Variants in HYAL1 observed in about 807,000 individuals in gnomAD.
HYAL1 encodes hyaluronidase-1.
Under a neutral mutation model 28.8 loss-of-function variants are expected in HYAL1, and 21 were observed. The ratio of observed to expected loss-of-function variants is 0.73; its 90% CI spans 0.52 to 1.05. The LOEUF (loss-of-function observed/expected upper bound fraction) is 1.05. Ranked by LOEUF, HYAL1 falls within the 50% of genes least tolerant of loss-of-function variation. The probability of loss-of-function intolerance (pLI) is 0.00; values close to 1 mark genes in which losing one functional copy is unlikely to be tolerated. For missense variants in HYAL1, 491 were observed against 579.2 expected (o/e 0.85, Z 1.56); for synonymous variants, 200 against 230.1 (o/e 0.87, Z 1.18).
chr3:50,306,552 G>A (rs1001311091), upstream of HYAL1, among the ~76,000 whole-genome samples: 1 of 151,086 alleles, frequency 6.6e-6, no homozygotes, highest in Non-Finnish European at 1.5e-5. Context: ...TGTTACTTTA[G>A]CAGCATTTTG....
At chr3:50,303,001 T>G in intron 1 of HYAL1, 21 bp from the exon 2 acceptor site, 1 of 1,517,142 alleles carries the variant, frequency 6.6e-7, no homozygotes, top group Non-Finnish European at 8.8e-7. Context: ...GAGGCAGAGC[T>G]GAGAACAGGT....
chr3:50,306,219 CTTTT>C (rs1173166946), upstream of HYAL1, among the ~76,000 whole-genome samples: 67 of 84,438 alleles, frequency 7.9e-4, 2 homozygotes, highest in African/African-American at 3.0e-3. Context: ...CTGTACAACT[CTTTT>C]TTTTTTTTTT....
intron 1 of HYAL1, among the ~76,000 whole-genome samples, chr3:50,311,256 G>T (rs1341505001): frequency 1.1e-3 from 1 of 872 alleles, no homozygotes; most frequent in Non-Finnish European, 2.7e-3. Flanking sequence ...CCTCCCGGCC[G>T]GGGCGGGGGG....
chr3:50,303,427 C>T (rs1406845408), intron 1 of HYAL1, 39 bp downstream of exon 1: 1 of 156,210 alleles, frequency 6.4e-6, no homozygotes, highest in Non-Finnish European at 1.4e-5. Flanking sequence ...ACCCAGCCCT[C>T]CTGTACACCC....
At chr3:50,311,770 T>A in intron 1 of HYAL1, among the ~76,000 whole-genome samples, 1 of 131,760 alleles carries the variant, frequency 7.6e-6, no homozygotes, top group African/African-American at 3.0e-5. Flanking sequence ...GCAGAGGGGC[T>A]CCTCACTTCC....
At chr3:50,304,274 CAAAAAA>C (rs1156334129), upstream of HYAL1, among the ~76,000 whole-genome samples, 17 of 2,892 alleles carry the variant, frequency 5.9e-3, no homozygotes, top group African/African-American at 0.01. Flanking sequence ...GACTCCATCT[CAAAAAA>C]AAAAAAAAAA....
Position 50,311,446 on chromosome 3 carries a change from A to ACC in HYAL1, c.-310+816_-310+817dup, listed in dbSNP as rs587619272. On this transcript the variant is annotated intron_variant, in intron 1 of 5. Coordinates refer to the HYAL1 transcript ENST00000320295. Reference sequence around the variant, plus strand: ...GGGCGGCTGGCCAGGCGGGGGGCTGACCCCCCCCCACCTCCCTCCCGGACG... The same window carrying ACC: ...GGGCGGCTGGCCAGGCGGGGGGCTGACCCCCCCCCCCACCTCCCTCCCGGACG... 4.1e-3 allele frequency among the ~76,000 whole-genome samples: 173 copies of ACC among 42,634 alleles called. 50 individuals carry two copies. In the East Asian group the frequency reaches 0.16, roughly 38 times the overall value. The allele number at this position is 42,634 out of a possible 152,430, so 28.0% of individuals were successfully genotyped here. A position where few individuals can be genotyped will look rare whatever the true frequency, so the allele number is the denominator to read the frequency against.
At chr3:50,312,278 G>A (rs1170597309) in exon 1 of HYAL1, 20 of 187,264 alleles carry the variant, frequency 1.1e-4, no homozygotes, top group Admixed American at 2.4e-4. Flanking sequence ...CAGACAGGGC[G>A]GCTGCTGGGC....
At chr3:50,301,490 G>A (rs1232959348) in intron 2 of HYAL1, among the ~76,000 whole-genome samples, 3 of 152,084 alleles carry the variant, frequency 2.0e-5, no homozygotes, top group African/African-American at 7.2e-5. Flanking sequence ...TTGATGGCAT[G>A]CCTGTAATCC....
At chr3:50,312,089 C>G (rs1702479706) in intron 1 of HYAL1, among the ~76,000 whole-genome samples, 2 of 146,712 alleles carry the variant, frequency 1.4e-5, no homozygotes, top group African/African-American at 5.2e-5. Context: ...CACCTCCCTC[C>G]CGGACGGGGC....
upstream of HYAL1, among the ~76,000 whole-genome samples, chr3:50,304,598 T>TA (rs1456706834): frequency 2.2e-4 from 33 of 151,944 alleles, no homozygotes; most frequent in African/African-American, 7.7e-4. Context: ...TTCTTCTGAT[T>TA]AAAAAAACAT....
chr3:50,300,410 T>C lies in HYAL1; in HGVS notation c.*73A>G. ...TGACCATGACTTGTATGACTGTGCATGTATTTGAGGAAGCCCTGGCCAGAC... is the reference window on the plus strand; with the variant it reads ...TGACCATGACTTGTATGACTGTGCACGTATTTGAGGAAGCCCTGGCCAGAC... On this transcript the variant is annotated 3_prime_UTR_variant, in exon 4 of 4. Coordinates refer to ENST00000395144, the MANE Select transcript of HYAL1 (RefSeq NM_033159.4). 1 of 1,424,202 alleles carries C rather than the reference T, an allele frequency of 7.0e-7. No individual in the cohort carries two copies. Among genetic ancestry groups the C allele is most frequent in the Admixed American group, 1.7e-5 (1 of 59,658 alleles). 88.2% of individuals were successfully genotyped at this position (1,424,202 alleles called of 1,614,324 possible).
chr3:50,311,321 C>A (rs1702446677), intron 1 of HYAL1, among the ~76,000 whole-genome samples: 1 of 138,556 alleles, frequency 7.2e-6, no homozygotes, highest in Non-Finnish European at 1.6e-5. Context: ...GGGGGCTGAC[C>A]CCCCCACCTC....
At chr3:50,308,376 C>CT (rs1204018265), upstream of HYAL1, among the ~76,000 whole-genome samples, 3 of 151,306 alleles carry the variant, frequency 2.0e-5, no homozygotes, top group Non-Finnish European at 4.4e-5. Flanking sequence ...ATCCGCCTGC[C>CT]TTGGCCTCCC....
chr3:50,306,066 T>C (rs1313402845), upstream of HYAL1, among the ~76,000 whole-genome samples: 1 of 151,356 alleles, frequency 6.6e-6, no homozygotes, highest in Non-Finnish European at 1.5e-5. Context: ...TCCTTGACTT[T>C]TGACTAATTG....
At chr3:50,306,496 T>A (rs1702336957), upstream of HYAL1, among the ~76,000 whole-genome samples, 1 of 151,306 alleles carries the variant, frequency 6.6e-6, no homozygotes, top group Non-Finnish European at 1.5e-5. Context: ...TGTTAACTTC[T>A]GCTTACACTT....
chr3:50,310,350 G>A (rs1157743840), intron 1 of HYAL1, among the ~76,000 whole-genome samples: 5 of 140,120 alleles, frequency 3.6e-5, no homozygotes, highest in East Asian at 3.3e-4. Context: ...CTGAACCTCC[G>A]CCTCTCAGGT....
rs1389331104 is a variant in HYAL1 at position 50,308,657 on chromosome 3, G to A, written c.-191+1002C>T. Reference sequence around the variant, plus strand: ...AGAGACAGGGTTTCACCGTGGTCTCGATCTCCTGACCTCGTGATCTGCCCA... The same window carrying A: ...AGAGACAGGGTTTCACCGTGGTCTCAATCTCCTGACCTCGTGATCTGCCCA... On this transcript the variant is annotated intron_variant, in intron 2 of 5. Coordinates refer to the HYAL1 transcript ENST00000320295. 2.7e-5 allele frequency among the ~76,000 whole-genome samples: 4 copies of A among 148,688 alleles called. No individual in the cohort carries two copies. The South Asian group carries it at 8.5e-4, about 31-fold the overall frequency.
At chr3:50,308,973 C>T (rs1320349203) in intron 2 of HYAL1, among the ~76,000 whole-genome samples, 1 of 150,224 alleles carries the variant, frequency 6.7e-6, no homozygotes, top group Non-Finnish European at 1.5e-5. Flanking sequence ...TCGTGATCTG[C>T]CTGCCTCGGC....
Sources: gnomAD v4.1 joint callset for allele counts (sites outside exome capture counted in the v4.1 genomes callset) on GRCh38, gnomAD v4.1.1 for gene constraint, MANE v1.5 for transcripts, NCBI Gene and HGNC (gene_info 2026-07-23, HGNC 2026-07-21) for gene names.